ZNF570: variants seen among roughly 807,000 people sequenced by gnomAD.
The protein encoded by ZNF570 is zinc finger protein 570.
A neutral mutation model predicts 14.2 loss-of-function variants in ZNF570; 8 were observed. That is an observed-to-expected ratio of 0.56 (90% CI 0.33 to 1.02). The LOEUF is 1.02. Ranked by LOEUF, ZNF570 falls within the 50% of genes least tolerant of loss-of-function variation. The pLI is 0.03. For missense variants in ZNF570, 559 were observed against 624.9 expected, an observed-to-expected ratio of 0.89 and a Z score of 1.12; for synonymous variants, 202 against 207.6, an observed-to-expected ratio of 0.97 and a Z score of 0.23.
At chr19:37,475,428 G>T (rs926095641) in intron 2 of ZNF570, among the ~76,000 whole-genome samples, 12 of 152,198 alleles carry the variant, frequency 7.9e-5, no homozygotes, top group Admixed American at 6.5e-4. Flanking sequence ...GAGATACAGT[G>T]AATACTTTCT....
chr19:37,472,688 G>A (rs1420044268), intron 2 of ZNF570, among the ~76,000 whole-genome samples: 1 of 149,512 alleles, frequency 6.7e-6, no homozygotes, highest in East Asian at 2.0e-4. Context: ...GTTGCGGTGA[G>A]CTGAGATGGT....
chr19:37,478,012 G>A (rs1342099112), intron 4 of ZNF570, among the ~76,000 whole-genome samples: 1 of 152,034 alleles, frequency 6.6e-6, no homozygotes, highest in Non-Finnish European at 1.5e-5. Context: ...TATCTGCTAG[G>A]GAAAATCTCT....
chr19:37,475,488 C>T (rs116113825), intron 2 of ZNF570, among the ~76,000 whole-genome samples: 169 of 152,292 alleles, frequency 1.1e-3, no homozygotes, highest in African/African-American at 3.9e-3. Context: ...CTTCAAACCA[C>T]TCATTGATTA....
At chr19:37,474,348 T>C (rs185645591) in intron 2 of ZNF570, among the ~76,000 whole-genome samples, 13 of 152,302 alleles carry the variant, frequency 8.5e-5, no homozygotes, top group African/African-American at 3.1e-4. Context: ...TTAGGAAGCA[T>C]TGTTAGCAGG....
chr19:37,477,543 T>C (rs891390235), intron 4 of ZNF570, among the ~76,000 whole-genome samples: 1 of 151,850 alleles, frequency 6.6e-6, no homozygotes, highest in Admixed American at 6.6e-5. Context: ...GGTTTCACCA[T>C]GTTGGCCACG....
rs778756100 is a variant in ZNF570, at chr19:37,484,449, G to T, written c.827G>T (p.Cys276Phe). ...RIHTGEKPYE[C>F]KECRKAFSQN... is the part of the protein sequence containing the mutation. The stretch of plus-strand genomic sequence containing the variant: ...CATACTGGAGAAAAACCCTATGAAT[G>T]TAAGGAATGTAGGAAAGCCTTCAGT... Residue 276 changes from cysteine (C) to phenylalanine (F), a missense_variant, in exon 5 of 5, where the codon TGT becomes TTT. By Grantham distance (205) the Cys-to-Phe change is radical. Coordinates refer to ENST00000330173, the MANE Select transcript of ZNF570 (RefSeq NM_144694.5). 3.1e-6 allele frequency: 5 copies of T among 1,613,984 alleles called. No homozygotes were observed. The South Asian group carries it at 3.3e-5, about 11-fold the overall frequency.
intron 4 of ZNF570, among the ~76,000 whole-genome samples, chr19:37,476,867 G>A (rs939559118): frequency 1.1e-4 from 16 of 151,950 alleles, no homozygotes; most frequent in East Asian, 1.9e-4. Flanking sequence ...ATGCCACCAC[G>A]CCCAGCTAAT....
intron 4 of ZNF570, among the ~76,000 whole-genome samples, chr19:37,481,887 C>G (rs927389932): frequency 6.6e-6 from 1 of 152,150 alleles, no homozygotes; most frequent in Admixed American, 6.5e-5. Flanking sequence ...AATTTCTTGC[C>G]AGCTTGGTAA....
intron 4 of ZNF570, among the ~76,000 whole-genome samples, chr19:37,479,672 G>A (rs1290007521): frequency 6.6e-6 from 1 of 151,864 alleles, no homozygotes; most frequent in African/African-American, 2.4e-5. Context: ...TATTTTGAAG[G>A]TATTTCATTT....
In ZNF570 at chr19:37,486,316, T is replaced by A. The variant is rs1568775069; in HGVS notation, c.*1083T>A. The stretch of plus-strand genomic sequence containing the variant: ...TGGCATTGCGTGACTTTGAGCAATT[T>A]GCTTATCTAAACCTCAGGGTTTTCT... On this transcript the variant is annotated 3_prime_UTR_variant, in exon 5 of 5. Coordinates refer to ENST00000330173, the MANE Select transcript of ZNF570 (RefSeq NM_144694.5). 1 of 152,196 alleles carries A rather than the reference T, an allele frequency of 6.6e-6. No homozygotes were observed. The highest frequency in any genetic ancestry group is 1.5e-5 in the Non-Finnish European group (1 of 68,044). 9.4% of individuals were successfully genotyped at this position (152,196 alleles called of 1,614,324 possible).
At chr19:37,470,971 A>T (rs2041951370) in intron 2 of ZNF570, among the ~76,000 whole-genome samples, 1 of 142,830 alleles carries the variant, frequency 7.0e-6, no homozygotes, top group African/African-American at 2.7e-5. Context: ...AAGTGCTGGG[A>T]TTACAGGCGT....
In ZNF570 at chr19:37,487,895, T is replaced by C. The variant is rs1246777763; in HGVS notation, c.*2662T>C. 1 of 152,170 alleles carries C rather than the reference T, an allele frequency of 6.6e-6. No individual in the cohort carries two copies. 9.4% of individuals were successfully genotyped at this position (152,170 alleles called of 1,614,324 possible). ...TATTACTAGTAGTAAGGGGATTCAC[T>C]AGTAGTAAGGGAAATGCAAAATAAA... On this transcript the variant is annotated 3_prime_UTR_variant, in exon 5 of 5. Coordinates refer to ENST00000330173, the MANE Select transcript of ZNF570 (RefSeq NM_144694.5).
rs1212456703 is a variant in ZNF570, at chr19:37,485,767, G to A, written c.*534G>A. On this transcript the variant is annotated 3_prime_UTR_variant, in exon 5 of 5. Transcript: ENST00000330173. The stretch of plus-strand genomic sequence containing the variant: ...GAATAAGAAAACACACATGGGCTGG[G>A]TGTGATGGCTCATGCCTGTAATCGC... 2 of 152,144 alleles carry A rather than the reference G, an allele frequency of 1.3e-5. No homozygotes were observed. The highest frequency in any genetic ancestry group is 2.9e-5 in the Non-Finnish European group (2 of 68,084). 9.4% of individuals were successfully genotyped at this position (152,144 alleles called of 1,614,324 possible).
chr19:37,485,235 TC>T lies in ZNF570; in HGVS notation c.*4del, dbSNP rs1389688684. The T allele has an allele frequency of 7.2e-6, 11 of 1,531,918 alleles. No individual in the cohort carries two copies. The African/African-American group carries it at 1.4e-4, about 19-fold the overall frequency. The allele number at this position is 1,531,918 out of a possible 1,614,324, so 94.9% of individuals were successfully genotyped here. On this transcript the variant is annotated 3_prime_UTR_variant, in exon 5 of 5. Coordinates refer to ENST00000330173, the MANE Select transcript of ZNF570 (RefSeq NM_144694.5). ...CCAGTCAATCACCAAGTCCTATAGA[TC>T]CTGAGTCCTAAATGTTTCTAGAATT...
chr19:37,471,364 C>T (rs1431372549), intron 2 of ZNF570, among the ~76,000 whole-genome samples: 2 of 152,140 alleles, frequency 1.3e-5, no homozygotes, highest in Non-Finnish European at 2.9e-5. Context: ...ATTCTCTCTG[C>T]CTGGGATACT....
intron 4 of ZNF570, among the ~76,000 whole-genome samples, chr19:37,481,524 A>G (rs942203386): frequency 1.3e-5 from 2 of 152,160 alleles, no homozygotes; most frequent in African/African-American, 4.8e-5. Context: ...GCTTTTGAGA[A>G]GTCAGTTTTC....
At position 37,475,180 on chromosome 19, in the gene ZNF570, T is replaced by A. The variant is rs1340521000; in HGVS notation, c.34-701T>A. ...TGTTTCACCATGTTGGCCAGGCTGG[T>A]CTCAAACTCCTAAACTCAGGTGATC... On this transcript the variant is annotated intron_variant, in intron 2 of 4. Transcript: ENST00000330173. 3.3e-5 allele frequency among the ~76,000 whole-genome samples: 5 copies of A among 152,102 alleles called. 1 individual carries two copies. Among genetic ancestry groups the A allele is most frequent in the Non-Finnish European group, 7.3e-5 (5 of 68,028 alleles).
rs1407194337 is a variant in ZNF570, at chr19:37,484,687, G to A, written c.1065G>A (p.Glu355=). Residue 355 remains glutamate, a synonymous_variant, in exon 5 of 5, where the codon GAG becomes GAA. Transcript: ENST00000330173. ...AACACCAGAGAGTTCATACAGGAGA[G>A]AAACCCTATGAATGTAATGTCTGTG... ...IAQHQRVHTG[E]KPYECNVCGK... 6 of 1,613,996 alleles carry A rather than the reference G, an allele frequency of 3.7e-6. No individual in the cohort carries two copies. The Admixed American group carries it at 6.7e-5, about 18-fold the overall frequency.
chr19:37,473,198 G>A (rs2041988134), intron 2 of ZNF570, among the ~76,000 whole-genome samples: 1 of 152,216 alleles, frequency 6.6e-6, no homozygotes, highest in South Asian at 2.1e-4. Flanking sequence ...CTAGGGAAAT[G>A]TATCATGCAG....
Sources: allele counts gnomAD v4.1 joint callset (sites outside exome capture counted in the v4.1 genomes callset), GRCh38; gene constraint gnomAD v4.1.1; transcripts MANE v1.5; gene names NCBI Gene and HGNC (gene_info 2026-07-23, HGNC 2026-07-21).